Variants in CORIN observed in about 807,000 individuals in gnomAD.
CORIN encodes corin, serine peptidase.
CORIN carries 117 observed loss-of-function variants against 125.3 expected under a neutral mutation model. The ratio of observed to expected loss-of-function variants is 0.93; its 90% CI spans 0.80 to 1.09. The LOEUF (loss-of-function observed/expected upper bound fraction) is 1.09. Among genes scored for constraint, CORIN ranks in the 50% least tolerant of loss-of-function variants. The pLI, the probability that CORIN is intolerant of heterozygous loss-of-function variation, is 0.00. For synonymous variants in CORIN, 450 were observed against 466.4 expected, an observed-to-expected ratio of 0.96 and a Z score of 0.45; for missense variants, 1,253 against 1,306.7, an observed-to-expected ratio of 0.96 and a Z score of 0.63.
At chr4:47,806,819 A>G (rs1731814531) in intron 2 of CORIN, 84 bp downstream of exon 2, 9 of 1,400,226 alleles carry the variant, frequency 6.4e-6, no homozygotes, top group Non-Finnish European at 8.6e-6. Context: ...TTTGGGTTAA[A>G]TAAGTACTAA....
intron 5 of CORIN, among the ~76,000 whole-genome samples, chr4:47,698,179 A>G (rs1726114957): frequency 6.6e-6 from 1 of 152,068 alleles, no homozygotes; most frequent in African/African-American, 2.4e-5. Context: ...AAATTCTTAT[A>G]TAACACACAA....
chr4:47,608,926 C>A (rs1265925175), intron 19 of CORIN, among the ~76,000 whole-genome samples: 1 of 152,158 alleles, frequency 6.6e-6, no homozygotes, highest in Admixed American at 6.5e-5. Flanking sequence ...AGATTTCTAT[C>A]TTTATCTTTT....
intron 2 of CORIN, among the ~76,000 whole-genome samples, chr4:47,801,520 A>G (rs1731538939): frequency 6.6e-6 from 1 of 152,276 alleles, no homozygotes; most frequent in East Asian, 1.9e-4. Flanking sequence ...ATATCACTGA[A>G]GAAGACAGTA....
At chr4:47,637,993 C>A (rs1040618402) in intron 16 of CORIN, among the ~76,000 whole-genome samples, 1 of 152,208 alleles carries the variant, frequency 6.6e-6, no homozygotes, top group African/African-American at 2.4e-5. Context: ...GCCACAGGGG[C>A]AGAGCTGCCC....
chr4:47,813,931 G>T (rs966579518), intron 1 of CORIN, among the ~76,000 whole-genome samples: 1 of 152,166 alleles, frequency 6.6e-6, no homozygotes, highest in African/African-American at 2.4e-5. Context: ...AAACCAAAAT[G>T]AGAATGTTCA....
intron 13 of CORIN, among the ~76,000 whole-genome samples, chr4:47,648,012 A>G (rs1212605665): frequency 2.0e-5 from 3 of 152,234 alleles, no homozygotes; most frequent in Admixed American, 6.5e-5. Flanking sequence ...AAAAGTTTGC[A>G]TAGCATAATA....
chr4:47,645,073 G>C lies in CORIN; in HGVS notation c.1957+8C>G. ...ATGCTCTGTTGACAAATTCGCATAA[G>C]CACTTACAGCAGTTTTTCTCGTCCA... On this transcript the variant is annotated splice_region_variant and intron_variant, in intron 14 of 21. Coordinates refer to ENST00000273857, the MANE Select transcript of CORIN (RefSeq NM_006587.4). 1 of 1,522,066 alleles carries C rather than the reference G, an allele frequency of 6.6e-7. No individual in the cohort carries two copies. Among genetic ancestry groups the C allele is most frequent in the Non-Finnish European group, 9.1e-7 (1 of 1,104,412 alleles). 94.3% of individuals were successfully genotyped at this position (1,522,066 alleles called of 1,614,324 possible). A position where few individuals can be genotyped will look rare whatever the true frequency, so the allele number is the denominator to read the frequency against.
At chr4:47,624,981 T>C (rs1225831299) in intron 17 of CORIN, among the ~76,000 whole-genome samples, 1 of 152,150 alleles carries the variant, frequency 6.6e-6, no homozygotes, top group Non-Finnish European at 1.5e-5. Context: ...CAAGTGCAAT[T>C]ATTTGCATAC....
chr4:47,670,762 T>C (rs960103893), intron 10 of CORIN, among the ~76,000 whole-genome samples: 6 of 152,104 alleles, frequency 3.9e-5, no homozygotes, highest in Admixed American at 3.9e-4. Context: ...GGAGAAGTGA[T>C]GGATTAGTCC....
Position 47,806,968 on chromosome 4 carries a change from A to G in CORIN, c.143T>C (p.Leu48Ser). The G allele has an allele frequency of 1.2e-6, 2 of 1,614,016 alleles. No homozygotes were observed. The highest frequency in any genetic ancestry group is 1.7e-6 in the Non-Finnish European group (2 of 1,179,884). The stretch of plus-strand genomic sequence containing the variant: ...ACAGATACATGGAATCAGGACCAGC[A>G]ATAGGAACCGGAGGAGGTTAGCAGT... Reference protein sequence around the residue: ...LATANLLRFLLLVLIPCICAL... With the variant: ...LATANLLRFLSLVLIPCICAL... Residue 48 changes from leucine (L) to serine (S), a missense_variant, in exon 2 of 22, where the codon TTG becomes TCG. Physicochemically the swap from Leu to Ser is moderately radical, Grantham distance 145. Coordinates refer to ENST00000273857, the MANE Select transcript of CORIN (RefSeq NM_006587.4).
intron 1 of CORIN, among the ~76,000 whole-genome samples, chr4:47,809,827 G>C (rs1009928129): frequency 3.3e-5 from 5 of 152,146 alleles, no homozygotes; most frequent in African/African-American, 1.2e-4. Flanking sequence ...TGGCCACTTA[G>C]GACTGTTGCA....
chr4:47,773,584 TGAGCAATTGTTTA>T (rs1397718797), intron 3 of CORIN, among the ~76,000 whole-genome samples: 1 of 152,112 alleles, frequency 6.6e-6, no homozygotes, highest in Non-Finnish European at 1.5e-5. Context: ...AGAATCAAGT[TGAGCAATTGTTTA>T]CCTTTTTACT....
chr4:47,721,097 G>C (rs1018219671), intron 5 of CORIN, among the ~76,000 whole-genome samples: 1 of 152,166 alleles, frequency 6.6e-6, no homozygotes, highest in African/African-American at 2.4e-5. Context: ...AGGGTGCACA[G>C]TGGCATTCTT....
At chr4:47,742,824 G>A (rs1247741589) in intron 5 of CORIN, among the ~76,000 whole-genome samples, 1 of 152,012 alleles carries the variant, frequency 6.6e-6, no homozygotes, top group Non-Finnish European at 1.5e-5. Flanking sequence ...AAAGATAGAG[G>A]ACATATAATA....
chr4:47,685,582 T>A (rs1331923621), intron 6 of CORIN, among the ~76,000 whole-genome samples: 1 of 152,144 alleles, frequency 6.6e-6, no homozygotes, highest in Admixed American at 6.6e-5. Flanking sequence ...AACTGTATTG[T>A]GCGGTTAGTC....
At chr4:47,713,457 A>C (rs1380100104) in intron 5 of CORIN, among the ~76,000 whole-genome samples, 3 of 152,190 alleles carry the variant, frequency 2.0e-5, no homozygotes, top group Non-Finnish European at 4.4e-5. Flanking sequence ...GATTTTATTA[A>C]AATTCTGTTA....
At chr4:47,735,942 TAAAAAAA>T (rs749270493) in intron 5 of CORIN, among the ~76,000 whole-genome samples, 4 of 96,384 alleles carry the variant, frequency 4.2e-5, no homozygotes, top group Non-Finnish European at 8.2e-5. Flanking sequence ...GACTCCATCT[TAAAAAAA>T]AAAAAAAAAA....
chr4:47,713,253 C>A (rs940569284), intron 5 of CORIN, among the ~76,000 whole-genome samples: 19 of 152,042 alleles, frequency 1.2e-4, no homozygotes, highest in African/African-American at 4.6e-4. Flanking sequence ...GTCATCAGAA[C>A]GTGAATAATG....
intron 2 of CORIN, among the ~76,000 whole-genome samples, chr4:47,804,919 GCGGTCA>G (rs1208320751): frequency 6.6e-6 from 1 of 151,364 alleles, no homozygotes; most frequent in Non-Finnish European, 1.5e-5. Context: ...GGTGGATCAC[GCGGTCA>G]GGAGATCGAG....
Sources: gnomAD v4.1 joint callset for allele counts (sites outside exome capture counted in the v4.1 genomes callset) on GRCh38, gnomAD v4.1.1 for gene constraint, MANE v1.5 for transcripts, NCBI Gene and HGNC (gene_info 2026-07-23, HGNC 2026-07-21) for gene names.